The following RIOK2 variants were observed in gnomAD, a reference collection of about 807,000 sequenced individuals.
RIOK2 encodes serine/threonine-protein kinase RIO2.
RIOK2 carries 46 observed loss-of-function variants against 62.4 expected under a neutral mutation model. The ratio of observed to expected loss-of-function variants is 0.74; its 90% CI spans 0.58 to 0.94. The LOEUF is 0.94. Ranked by LOEUF, RIOK2 falls within the 40% of genes least tolerant of loss-of-function variation. The probability of loss-of-function intolerance (pLI) is 0.00; values close to 1 mark genes in which losing one functional copy is unlikely to be tolerated. For synonymous variants in RIOK2, 197 were observed against 216.0 expected (o/e 0.91, Z 0.77); for missense variants, 574 against 658.0 (o/e 0.87, Z 1.40).
intron 9 of RIOK2, among the ~76,000 whole-genome samples, chr5:97,164,645 C>T (rs749347884): frequency 4.2e-4 from 64 of 152,186 alleles, no homozygotes; most frequent in Non-Finnish European, 2.8e-4. Flanking sequence ...ATCTTCAGCT[C>T]ATATGAAGAA....
intron 9 of RIOK2, among the ~76,000 whole-genome samples, chr5:97,164,373 C>T (rs1210518637): frequency 6.6e-6 from 1 of 151,842 alleles, no homozygotes; most frequent in Admixed American, 6.6e-5. Context: ...TGGTGGTAGG[C>T]GCCTGTAATC....
At position 97,162,624 on chromosome 5, in the gene RIOK2, T is replaced by TGAA. The variant is rs1254729917; in HGVS notation, c.*434_*436dup. 2 of 155,058 alleles carry TGAA rather than the reference T, an allele frequency of 1.3e-5. No homozygotes were observed. The highest frequency in any genetic ancestry group is 4.8e-5 in the African/African-American group (2 of 41,486). 9.6% of individuals were successfully genotyped at this position (155,058 alleles called of 1,614,324 possible). A position where few individuals can be genotyped will look rare whatever the true frequency, so the allele number is the denominator to read the frequency against. On this transcript the variant is annotated 3_prime_UTR_variant, in exon 10 of 10. Transcript: ENST00000283109. ...TTACTTCTAAAGAAAAATAAGACAG[T>TGAA]GAAGTCCTCCAGTTGCCAAATAAAA... is the stretch of plus-strand genomic sequence containing the variant.
chr5:97,183,115 G>T lies in RIOK2; in HGVS notation c.66+11C>A. 6.2e-7 allele frequency: 1 copy of T among 1,613,972 alleles called. No homozygotes were observed. Among genetic ancestry groups the T allele is most frequent in the Non-Finnish European group, 8.5e-7 (1 of 1,179,872 alleles). The stretch of plus-strand genomic sequence containing the variant: ...AAGGGGAAGGGAGAACAGGAACGGC[G>T]GGTTTCTTACCGCGGTCAAGACCCT... On this transcript the variant is annotated intron_variant, in intron 1 of 9. Coordinates refer to ENST00000283109, the MANE Select transcript of RIOK2 (RefSeq NM_018343.3).
chr5:97,177,870 A>G (rs143801048), intron 2 of RIOK2, 22 bp from the exon 3 acceptor site: 12 of 1,453,382 alleles, frequency 8.3e-6, no homozygotes, highest in Non-Finnish European at 1.2e-5. Context: ...TCAAAGCATA[A>G]AGACCATATT....
intron 5 of RIOK2, 130 bp from the exon 6 acceptor site, chr5:97,171,527 T>C (rs558796261): frequency 8.1e-6 from 4 of 491,548 alleles, no homozygotes; most frequent in Non-Finnish European, 1.3e-5. Context: ...CTCATTCCCA[T>C]CAGCACACAG....
intron 1 of RIOK2, among the ~76,000 whole-genome samples, chr5:97,180,791 A>C (rs1372604660): frequency 6.6e-6 from 1 of 152,136 alleles, no homozygotes; most frequent in African/African-American, 2.4e-5. Flanking sequence ...TTTAGGAAGT[A>C]TTATGGGAGA....
In RIOK2 at chr5:97,161,969, G is replaced by A. The variant is rs1337577221; in HGVS notation, c.*1092C>T. 1 of 149,304 alleles carries A rather than the reference G, an allele frequency of 6.7e-6. No homozygotes were observed. The highest frequency in any genetic ancestry group is 1.5e-5 in the Non-Finnish European group (1 of 67,832). 9.2% of individuals were successfully genotyped at this position (149,304 alleles called of 1,614,324 possible). A position where few individuals can be genotyped will look rare whatever the true frequency, so the allele number is the denominator to read the frequency against. Reference sequence around the variant, plus strand: ...CATTTTCTAGCTTCTATATATTTAAGCCAATTTATTAGATAATTACAGGTC... The same window carrying A: ...CATTTTCTAGCTTCTATATATTTAAACCAATTTATTAGATAATTACAGGTC... On this transcript the variant is annotated 3_prime_UTR_variant, in exon 10 of 10. Coordinates refer to ENST00000283109, the MANE Select transcript of RIOK2 (RefSeq NM_018343.3).
At chr5:97,176,959 A>G (rs1047402229) in intron 4 of RIOK2, 157 bp downstream of exon 4, 4 of 639,344 alleles carry the variant, frequency 6.3e-6, no homozygotes, top group South Asian at 2.0e-5. Flanking sequence ...AAGAGCCCAA[A>G]TAATCAACAG....
At chr5:97,182,920 A>G (rs1052129250) in intron 1 of RIOK2, 10 of 633,534 alleles carry the variant, frequency 1.6e-5, no homozygotes, top group Non-Finnish European at 2.8e-5. Context: ...AGAAGACGGG[A>G]CCTTTGCTCT....
intron 6 of RIOK2, among the ~76,000 whole-genome samples, chr5:97,169,358 C>T (rs1484455396): frequency 6.6e-6 from 1 of 152,130 alleles, no homozygotes; most frequent in Non-Finnish European, 1.5e-5. Context: ...ATCCATTAGC[C>T]GATTTGCAAT....
At chr5:97,166,037 G>A (rs999654140) in intron 8 of RIOK2, among the ~76,000 whole-genome samples, 2 of 152,082 alleles carry the variant, frequency 1.3e-5, no homozygotes, top group Admixed American at 1.3e-4. Flanking sequence ...CTGGGACATG[G>A]GTCCTCTCCT....
rs1393280686 is a variant in RIOK2 at position 97,171,273 on chromosome 5, C to A, written c.712G>T (p.Glu238Ter). The A allele has an allele frequency of 1.2e-6, 2 of 1,607,100 alleles. No homozygotes were observed. Among genetic ancestry groups the A allele is most frequent in the Non-Finnish European group, 1.7e-6 (2 of 1,176,852 alleles). Residue 238 changes from glutamate to a stop codon, truncating the protein, a stop_gained, in exon 6 of 10, where the codon GAA (glutamate) becomes TAA (stop). Transcript: ENST00000283109. LOFTEE classifies it high-confidence loss of function. The part of the protein sequence containing the change: ...DFNEFNLILD[E>*]SDHITMIDFP... ...TCAATCATGGTGATATGGTCACTTTCATCCAAAATGAGATTAAATTCATTA... is the reference window on the plus strand; with the variant it reads ...TCAATCATGGTGATATGGTCACTTTAATCCAAAATGAGATTAAATTCATTA...
intron 1 of RIOK2, among the ~76,000 whole-genome samples, chr5:97,179,963 T>TA (rs1749292052): frequency 2.1e-5 from 1 of 47,402 alleles, no homozygotes; most frequent in African/African-American, 7.2e-5. Flanking sequence ...TAAAAGTATT[T>TA]TATATATATA....
At chr5:97,178,589 T>A (rs1185167713) in intron 2 of RIOK2, among the ~76,000 whole-genome samples, 2 of 150,298 alleles carry the variant, frequency 1.3e-5, no homozygotes, top group African/African-American at 4.9e-5. Context: ...GTACTCTACA[T>A]GCTCTTCTGC....
At chr5:97,165,190 A>C in intron 8 of RIOK2, 43 bp from the exon 9 acceptor site, 2 of 951,376 alleles carry the variant, frequency 2.1e-6, no homozygotes. Flanking sequence ...AATTTGTATA[A>C]TGTAATGAAT....
intron 8 of RIOK2, chr5:97,166,836 A>C (rs1561515820): frequency 2.0e-6 from 2 of 983,636 alleles, no homozygotes. Flanking sequence ...TTAGGAAAAT[A>C]TATGAGGAAT....
At chr5:97,175,000 G>A (rs1749124606) in intron 4 of RIOK2, among the ~76,000 whole-genome samples, 1 of 152,088 alleles carries the variant, frequency 6.6e-6, no homozygotes, top group African/African-American at 2.4e-5. Flanking sequence ...AGGGGCTGCA[G>A]TGAGCCGTGA....
rs549376282 is a variant in RIOK2 at position 97,170,715 on chromosome 5, T to C, written c.779+491A>G. Among the ~76,000 whole-genome samples the C allele has an allele frequency of 7.2e-5, 11 of 152,334 alleles. No individual in the cohort carries two copies. In the South Asian group the frequency reaches 1.9e-3, roughly 26 times the overall value. On this transcript the variant is annotated intron_variant, in intron 6 of 9. Coordinates refer to ENST00000283109, the MANE Select transcript of RIOK2 (RefSeq NM_018343.3). ...CTTATGGGGAAAACTCTAGTAGTTA[T>C]ACTTTAATAAAAAACCAAATTTTTA...
At chr5:97,172,888 T>G (rs1470767356) in intron 5 of RIOK2, among the ~76,000 whole-genome samples, 1 of 152,196 alleles carries the variant, frequency 6.6e-6, no homozygotes, top group East Asian at 1.9e-4. Context: ...TCCATCAGAA[T>G]GTAAATTCCA....
Sources: gnomAD v4.1 joint callset for allele counts (sites outside exome capture counted in the v4.1 genomes callset) on GRCh38, gnomAD v4.1.1 for gene constraint, MANE v1.5 for transcripts, NCBI Gene and HGNC (gene_info 2026-07-23, HGNC 2026-07-21) for gene names.